MYCBP2: variants seen among roughly 807,000 people sequenced by gnomAD.
MYCBP2 encodes the protein E3 ubiquitin-protein ligase MYCBP2.
A neutral mutation model predicts 525.3 loss-of-function variants in MYCBP2; 120 were observed. That is an observed-to-expected ratio of 0.23 (90% CI 0.20 to 0.27). MYCBP2 has a LOEUF of 0.27. Ranked by LOEUF, MYCBP2 falls within the 10% of genes least tolerant of loss-of-function variation. The pLI is 1.00. For synonymous variants in MYCBP2, 1,894 were observed against 1,955.8 expected (o/e 0.97, Z 0.83); for missense variants, 4,149 against 5,657.1 (o/e 0.73, Z 8.55).
At chr13:77,068,485 G>A (rs2040574910) in intron 70 of MYCBP2, 80 bp downstream of exon 70, 3 of 1,510,430 alleles carry the variant, frequency 2.0e-6, no homozygotes, top group Non-Finnish European at 9.0e-7. Flanking sequence ...AGGGTCCTTA[G>A]ATAATTCTCT....
rs1357683451 is a variant in MYCBP2 at position 77,205,605 on chromosome 13, C to T, written c.3590-7G>A. On this transcript the variant is annotated splice_region_variant and splice_polypyrimidine_tract_variant and intron_variant, in intron 24 of 82. Coordinates refer to ENST00000544440, the MANE Select transcript of MYCBP2 (RefSeq NM_015057.5). ...GCCAAGGTATCAAGACAACCTAAAA[C>T]AACAAAGAAACAAAATTTAACTCCT... The T allele has an allele frequency of 6.2e-7, 1 of 1,603,994 alleles. No individual in the cohort carries two copies. Among genetic ancestry groups the T allele is most frequent in the East Asian group, 2.2e-5 (1 of 44,748 alleles).
intron 17 of MYCBP2, among the ~76,000 whole-genome samples, chr13:77,236,320 T>C (rs542224083): frequency 1.3e-5 from 2 of 152,296 alleles, no homozygotes; most frequent in South Asian, 4.1e-4. Flanking sequence ...CACTCATGTG[T>C]AGACAATGGG....
rs1319327577 is a variant in MYCBP2, at chr13:77,098,506, T to C, written c.8648A>G (p.Lys2883Arg). The change falls in exon 56 of 83, where the codon AAG becomes AGG. Residue 2883 changes from lysine to arginine, a missense_variant. Coordinates refer to ENST00000544440, the MANE Select transcript of MYCBP2 (RefSeq NM_015057.5). ...AGGTTCTGTGAGGGGCATTTTCTTC[T>C]TGCGGAGGGTATCTGGATCAAGTGT... is the stretch of plus-strand genomic sequence containing the variant. ...SYTLDPDTLR[K>R]KKMPLTEPLR... The C allele has an allele frequency of 1.2e-6, 2 of 1,613,642 alleles. No homozygotes were observed. Among genetic ancestry groups the C allele is most frequent in the African/African-American group, 2.7e-5 (2 of 74,892 alleles).
intron 55 of MYCBP2, among the ~76,000 whole-genome samples, chr13:77,104,785 G>C (rs2047607388): frequency 1.3e-5 from 2 of 152,130 alleles, no homozygotes; most frequent in Admixed American, 6.6e-5. Context: ...AGTTTCCGAG[G>C]ATAGGGACTA....
chr13:77,176,528 T>C lies in MYCBP2; in HGVS notation c.5441A>G (p.Glu1814Gly). The C allele has an allele frequency of 6.3e-7, 1 of 1,590,170 alleles. No homozygotes were observed. The highest frequency in any genetic ancestry group is 8.6e-7 in the Non-Finnish European group (1 of 1,164,862). Residue 1814 changes from glutamate to glycine, a missense_variant, in exon 36 of 83, where the codon GAG becomes GGG. By Grantham distance (98) the Glu-to-Gly change is moderately conservative. Transcript: ENST00000544440. Reference sequence around the variant, plus strand: ...AGGAACCACTTTGTCAAGTCTGATCTCAGCTATATCACTGGGTGAGTCATC... The same window carrying C: ...AGGAACCACTTTGTCAAGTCTGATCCCAGCTATATCACTGGGTGAGTCATC... Reference protein sequence around the residue: ...TTDDSPSDIAEIRLDKVVPLK... With the variant: ...TTDDSPSDIAGIRLDKVVPLK...
At position 77,276,030 on chromosome 13, in the gene MYCBP2, C is replaced by T. The variant is rs116875836; in HGVS notation, c.749-2362G>A. Reference sequence around the variant, plus strand: ...AGAACTCCTTCTACTTTCCTCCATACGATTTATCCACATTTGTAATTATAC... The same window carrying T: ...AGAACTCCTTCTACTTTCCTCCATATGATTTATCCACATTTGTAATTATAC... On this transcript the variant is annotated intron_variant, in intron 4 of 82. Coordinates refer to ENST00000544440, the MANE Select transcript of MYCBP2 (RefSeq NM_015057.5). 1.4e-4 allele frequency among the ~76,000 whole-genome samples: 21 copies of T among 152,240 alleles called. No homozygotes were observed. In the East Asian group the frequency reaches 2.7e-3, roughly 20 times the overall value.
chr13:77,254,669 A>T (rs975078709), intron 14 of MYCBP2, among the ~76,000 whole-genome samples: 28 of 151,896 alleles, frequency 1.8e-4, no homozygotes, highest in Non-Finnish European at 5.9e-5. Flanking sequence ...TGTTAACGAC[A>T]TTCACCCTAC....
At chr13:77,068,478 G>T in intron 70 of MYCBP2, 87 bp downstream of exon 70, 1 of 1,456,216 alleles carries the variant, frequency 6.9e-7, no homozygotes, top group South Asian at 1.3e-5. Context: ...TATACTTAGG[G>T]TCCTTAGATA....
intron 55 of MYCBP2, among the ~76,000 whole-genome samples, chr13:77,104,219 T>C (rs1053644800): frequency 2.0e-5 from 3 of 152,110 alleles, no homozygotes; most frequent in Admixed American, 6.6e-5. Flanking sequence ...AAACTAGACA[T>C]AACACACACT....
At position 77,083,214 on chromosome 13, in the gene MYCBP2, G is replaced by T. The variant is rs753934013; in HGVS notation, c.10876-22C>A. Reference sequence around the variant, plus strand: ...TCTCCTAAGGCAGAAATTGAAACAAGTTTATCAGTTTGTGTGCTGGAAGGA... The same window carrying T: ...TCTCCTAAGGCAGAAATTGAAACAATTTTATCAGTTTGTGTGCTGGAAGGA... On this transcript the variant is annotated intron_variant, in intron 62 of 82. Transcript: ENST00000544440. The T allele has an allele frequency of 3.7e-6, 6 of 1,605,852 alleles. No individual in the cohort carries two copies. In the South Asian group the frequency reaches 5.6e-5, roughly 15 times the overall value.
intron 47 of MYCBP2, among the ~76,000 whole-genome samples, chr13:77,147,413 C>T (rs996215832): frequency 6.6e-6 from 1 of 152,066 alleles, no homozygotes; most frequent in Non-Finnish European, 1.5e-5. Context: ...TGAAACTTGG[C>T]ACATTATTCT....
At chr13:77,203,918 C>T (rs1225177515) in intron 26 of MYCBP2, among the ~76,000 whole-genome samples, 17 of 151,856 alleles carry the variant, frequency 1.1e-4, no homozygotes, top group Non-Finnish European at 1.5e-4. Flanking sequence ...AAGACTTAAA[C>T]GTTAGACCTA....
At chr13:77,232,094 T>G (rs952349017) in intron 18 of MYCBP2, among the ~76,000 whole-genome samples, 1 of 152,130 alleles carries the variant, frequency 6.6e-6, no homozygotes, top group Non-Finnish European at 1.5e-5. Context: ...TTTTGTCTAT[T>G]TTGTTTATGT....
chr13:77,183,389 A>G (rs1330476877), intron 32 of MYCBP2, among the ~76,000 whole-genome samples: 3 of 152,074 alleles, frequency 2.0e-5, no homozygotes, highest in Non-Finnish European at 4.4e-5. Flanking sequence ...AAAGTTTTTG[A>G]TAATTTTTAA....
intron 59 of MYCBP2, among the ~76,000 whole-genome samples, chr13:77,092,227 G>A (rs2045551829): frequency 6.6e-6 from 1 of 152,058 alleles, no homozygotes; most frequent in South Asian, 2.1e-4. Context: ...TTCAGCAAAT[G>A]TCTTCCTTTC....
At chr13:77,305,142 G>A (rs1343001674) in intron 1 of MYCBP2, among the ~76,000 whole-genome samples, 2 of 151,986 alleles carry the variant, frequency 1.3e-5, no homozygotes, top group Non-Finnish European at 2.9e-5. Context: ...AATATAAAAA[G>A]AAGAAACATT....
chr13:77,071,376 A>C (rs1332749196), intron 68 of MYCBP2, among the ~76,000 whole-genome samples: 1 of 152,112 alleles, frequency 6.6e-6, no homozygotes, highest in Non-Finnish European at 1.5e-5. Flanking sequence ...TTTACAGGTA[A>C]GAAAACTGAG....
intron 82 of MYCBP2, among the ~76,000 whole-genome samples, chr13:77,047,040 C>A (rs1475857068): frequency 1.3e-5 from 2 of 152,092 alleles, no homozygotes; most frequent in Non-Finnish European, 2.9e-5. Flanking sequence ...ATTTACTCAA[C>A]AAATATTTAC....
intron 21 of MYCBP2, among the ~76,000 whole-genome samples, chr13:77,217,174 AAAG>A (rs1302045326): frequency 6.6e-6 from 1 of 152,252 alleles, no homozygotes; most frequent in African/African-American, 2.4e-5. Context: ...TAAAAAATCA[AAAG>A]CTGTAAATGT....
Sources: allele counts gnomAD v4.1 joint callset (sites outside exome capture counted in the v4.1 genomes callset), GRCh38; gene constraint gnomAD v4.1.1; transcripts MANE v1.5; gene names NCBI Gene and HGNC (gene_info 2026-07-23, HGNC 2026-07-21).